Variants in NEGR1 observed in about 807,000 individuals in gnomAD.
NEGR1 encodes the protein neuronal growth regulator 1.
A neutral mutation model predicts 40.9 loss-of-function variants in NEGR1; 10 were observed. The ratio of observed to expected loss-of-function variants is 0.24; its 90% confidence interval spans 0.15 to 0.42. The LOEUF (loss-of-function observed/expected upper bound fraction) is 0.42, where lower values mean the gene tolerates loss of function less well. NEGR1 is among the 10% of genes least tolerant of loss of function. NEGR1 has a pLI of 1.00. For missense variants in NEGR1, 352 were observed against 438.9 expected (o/e 0.80, Z 1.77); for synonymous variants, 185 against 166.8 (o/e 1.11, Z -0.84).
chr1:72,062,319 A>C (rs1372533120), intron 1 of NEGR1, among the ~76,000 whole-genome samples: 1 of 151,896 alleles, frequency 6.6e-6, no homozygotes, highest in East Asian at 1.9e-4. Flanking sequence ...CTCCAGGCAG[A>C]ATTAATCACT....
chr1:72,150,036 G>T lies in NEGR1; in HGVS notation c.176+132283C>A, dbSNP rs78401675. Among the ~76,000 whole-genome samples the T allele has an allele frequency of 1.4e-3, 214 of 152,012 alleles. 1 individual carries two copies. The East Asian group carries it at 0.028, about 20-fold the overall frequency. ...AAAAGCCTGTCACACATATCTTCAT[G>T]TTGTTGTCTTCACATATCACTATTC... On this transcript the variant is annotated intron_variant, in intron 1 of 6. Coordinates refer to ENST00000357731, the MANE Select transcript of NEGR1 (RefSeq NM_173808.3).
chr1:71,810,663 T>C (rs527212), intron 2 of NEGR1, among the ~76,000 whole-genome samples: 50,132 of 151,956 alleles, frequency 0.33, 13,351 homozygotes, highest in African/African-American at 0.74. Flanking sequence ...ATCATGAGGG[T>C]GGATTTCCCC....
chr1:72,268,955 T>A (rs187721863), intron 1 of NEGR1, among the ~76,000 whole-genome samples: 2 of 151,600 alleles, frequency 1.3e-5, no homozygotes, highest in Admixed American at 1.3e-4. Context: ...TTTGGATATG[T>A]AAAGCAGCCA....
At chr1:71,587,538 A>C (rs1379803444) in intron 6 of NEGR1, among the ~76,000 whole-genome samples, 3 of 152,106 alleles carry the variant, frequency 2.0e-5, no homozygotes, top group Middle Eastern at 6.3e-3. Context: ...TGTCTCCACA[A>C]GGCTGCTAAG....
intron 2 of NEGR1, among the ~76,000 whole-genome samples, chr1:71,912,830 C>T (rs530238515): frequency 5.3e-4 from 81 of 152,042 alleles, no homozygotes; most frequent in South Asian, 1.5e-3. Context: ...ATATATAGTA[C>T]ATGTATATAT....
At chr1:71,989,587 A>T (rs1229420495) in intron 1 of NEGR1, among the ~76,000 whole-genome samples, 1 of 146,896 alleles carries the variant, frequency 6.8e-6, no homozygotes, top group Non-Finnish European at 1.5e-5. Flanking sequence ...ACCCAAGTCC[A>T]TTAAAAAAAA....
chr1:71,995,772 C>A (rs1423129882), intron 1 of NEGR1, among the ~76,000 whole-genome samples: 2 of 152,160 alleles, frequency 1.3e-5, no homozygotes, highest in African/African-American at 2.4e-5. Flanking sequence ...TCAACATTTT[C>A]TTTCTCTGAT....
intron 2 of NEGR1, among the ~76,000 whole-genome samples, chr1:71,873,767 T>A (rs952907144): frequency 1.2e-4 from 19 of 152,184 alleles, no homozygotes; most frequent in Non-Finnish European, 2.8e-4. Flanking sequence ...GGTGTTACTG[T>A]AATAGTTCAC....
intron 5 of NEGR1, among the ~76,000 whole-genome samples, chr1:71,598,832 T>C (rs1649824175): frequency 6.6e-6 from 1 of 152,234 alleles, no homozygotes; most frequent in African/African-American, 2.4e-5. Context: ...GGCCAAATTA[T>C]CATCATAACG....
intron 1 of NEGR1, among the ~76,000 whole-genome samples, chr1:71,966,764 T>C (rs753424308): frequency 2.0e-5 from 3 of 152,156 alleles, no homozygotes; most frequent in Admixed American, 6.6e-5. Flanking sequence ...CTGCAGGTGA[T>C]GACAGCCAAT....
chr1:71,722,133 C>T (rs1654529021), intron 3 of NEGR1, among the ~76,000 whole-genome samples: 1 of 152,078 alleles, frequency 6.6e-6, no homozygotes, highest in South Asian at 2.1e-4. Context: ...ACTCTGGCTT[C>T]TCTCTGGAGA....
chr1:71,506,309 T>C (rs1200810274), intron 6 of NEGR1, among the ~76,000 whole-genome samples: 2 of 152,140 alleles, frequency 1.3e-5, no homozygotes, highest in East Asian at 1.9e-4. Context: ...TTCGTAACAG[T>C]AGACCAGGGC....
At chr1:71,754,358 C>T (rs374086040) in intron 3 of NEGR1, among the ~76,000 whole-genome samples, 2 of 152,124 alleles carry the variant, frequency 1.3e-5, no homozygotes, top group African/African-American at 2.4e-5. Context: ...GATACATTAG[C>T]GTTTCAGTGT....
chr1:71,823,535 T>C (rs1658509119), intron 2 of NEGR1, among the ~76,000 whole-genome samples: 1 of 152,026 alleles, frequency 6.6e-6, no homozygotes, highest in South Asian at 2.1e-4. Flanking sequence ...CCAAAACTGA[T>C]AAAAATTGAC....
intron 3 of NEGR1, among the ~76,000 whole-genome samples, chr1:71,720,414 C>T (rs1654466356): frequency 6.6e-6 from 1 of 152,172 alleles, no homozygotes; most frequent in Non-Finnish European, 1.5e-5. Context: ...GCATCAAAAG[C>T]TTCATCAGCT....
At chr1:71,733,641 T>TG (rs759776114) in intron 3 of NEGR1, among the ~76,000 whole-genome samples, 9 of 152,166 alleles carry the variant, frequency 5.9e-5, no homozygotes, top group Admixed American at 5.2e-4. Context: ...TAGAAGTTAG[T>TG]GGGGGAGTGG....
chr1:71,713,994 C>T (rs370741388), intron 3 of NEGR1, among the ~76,000 whole-genome samples: 2 of 151,954 alleles, frequency 1.3e-5, no homozygotes, highest in African/African-American at 4.8e-5. Flanking sequence ...GAAACAGTAC[C>T]TATTGTATTA....
intron 6 of NEGR1, among the ~76,000 whole-genome samples, chr1:71,469,030 G>A (rs563938591): frequency 6.6e-6 from 1 of 152,092 alleles, no homozygotes; most frequent in Non-Finnish European, 1.5e-5. Flanking sequence ...CAAAAACATC[G>A]TAAAGAGGTT....
chr1:71,802,548 C>T (rs2101749867), intron 2 of NEGR1, among the ~76,000 whole-genome samples: 1 of 152,246 alleles, frequency 6.6e-6, no homozygotes, highest in East Asian at 1.9e-4. Flanking sequence ...GGGCCACCTC[C>T]TAGATTTCAG....
Sources: gnomAD v4.1 joint callset for allele counts (sites outside exome capture counted in the v4.1 genomes callset) on GRCh38, gnomAD v4.1.1 for gene constraint, MANE v1.5 for transcripts, NCBI Gene and HGNC (gene_info 2026-07-23, HGNC 2026-07-21) for gene names.